The following MAN1B1 variants were observed in gnomAD, a reference collection of about 807,000 sequenced individuals.
MAN1B1 encodes mannosidase alpha class 1B member 1.
Under a neutral mutation model 75.5 loss-of-function variants are expected in MAN1B1, and 66 were observed. That is an observed-to-expected ratio of 0.87 (90% confidence interval 0.72 to 1.07). MAN1B1 has a LOEUF of 1.07. Ranked by LOEUF, MAN1B1 falls within the 50% of genes least tolerant of loss-of-function variation. The probability of loss-of-function intolerance (pLI) is 0.00; values close to 1 mark genes in which losing one functional copy is unlikely to be tolerated. For synonymous variants in MAN1B1, 453 were observed against 382.8 expected, an observed-to-expected ratio of 1.18 and a Z score of -2.14; for missense variants, 973 against 912.5, an observed-to-expected ratio of 1.07 and a Z score of -0.85.
rs746478083 is a variant in MAN1B1 at position 137,101,104 on chromosome 9, T to C, written c.1016T>C (p.Leu339Pro). 6.2e-7 allele frequency: 1 copy of C among 1,613,966 alleles called. No homozygotes were observed. Among genetic ancestry groups the C allele is most frequent in the Non-Finnish European group, 8.5e-7 (1 of 1,180,022 alleles). ...FESTIRILGGLLSAYHLSGDS... is the reference protein window; with the variant it reads ...FESTIRILGGPLSAYHLSGDS... ...AGCACGATCCGCATCCTGGGGGGGCTCCTGAGTGCCTACCACCTGTCTGGG... is the reference window on the plus strand; with the variant it reads ...AGCACGATCCGCATCCTGGGGGGGCCCCTGAGTGCCTACCACCTGTCTGGG... Residue 339 changes from leucine (L) to proline (P), a missense_variant, in exon 7 of 13, where the codon CTC (leucine) becomes CCC (proline). Leu to Pro is a moderately conservative substitution (Grantham distance 98). Transcript: ENST00000371589.
At chr9:137,103,637 C>T (rs4880205) in intron 8 of MAN1B1, 129,340 of 397,626 alleles carry the variant, frequency 0.33, 13,293 homozygotes, top group African/African-American at 0.39. Flanking sequence ...GCGTGCAGGT[C>T]GGTGTTACAC....
rs1260242995 is a variant in MAN1B1, at chr9:137,100,869, C to T, written c.917-136C>T. On this transcript the variant is annotated intron_variant, in intron 6 of 12. Transcript: ENST00000371589. ...TCCTGGGCTCAAGCAATCCACTTGCCTCAGCCTCCCAAAGTGCTGGGATTA... is the reference window on the plus strand; with the variant it reads ...TCCTGGGCTCAAGCAATCCACTTGCTTCAGCCTCCCAAAGTGCTGGGATTA... The T allele has an allele frequency of 3.1e-6, 3 of 961,118 alleles. No individual in the cohort carries two copies. The African/African-American group carries it at 4.8e-5, about 15-fold the overall frequency. The allele number at this position is 961,118 out of a possible 1,614,324, so 59.5% of individuals were successfully genotyped here.
chr9:137,094,468 A>G (rs146919192), intron 3 of MAN1B1: 5 of 409,284 alleles, frequency 1.2e-5, no homozygotes, highest in African/African-American at 8.2e-5. Context: ...CAGTGGAACT[A>G]GTGGCTCACA....
Position 137,107,616 on chromosome 9 carries a change from A to G in MAN1B1, c.1850A>G (p.Gln617Arg), listed in dbSNP as rs746554693. 4 of 1,611,196 alleles carry G rather than the reference A, an allele frequency of 2.5e-6. No homozygotes were observed. Among genetic ancestry groups the G allele is most frequent in the Non-Finnish European group, 2.5e-6 (3 of 1,179,958 alleles). The stretch of plus-strand genomic sequence containing the variant: ...CGCGTCACAGGGGACCGCAAATACC[A>G]GGACTGGGGCTGGGAGATTCTGCAG... ...LYRVTGDRKY[Q>R]DWGWEILQSF... is the part of the protein sequence containing the mutation. Residue 617 changes from glutamine (Q) to arginine (R), a missense_variant, in exon 12 of 13, where the codon CAG becomes CGG. By Grantham distance (43) the Gln-to-Arg change is conservative (BLOSUM62 1). Transcript: ENST00000371589.
chr9:137,087,942 C>CA (rs200935172), intron 1 of MAN1B1, 133 bp from the exon 2 acceptor site: 28,186 of 586,024 alleles, frequency 0.048, 26 homozygotes, highest in East Asian at 0.065. Context: ...ACCCTGTTTC[C>CA]AAAAAAAAAA....
At chr9:137,091,438 TG>T (rs1385946753) in intron 3 of MAN1B1, among the ~76,000 whole-genome samples, 1 of 152,080 alleles carries the variant, frequency 6.6e-6, no homozygotes, top group Non-Finnish European at 1.5e-5. Flanking sequence ...TGTCTAGACC[TG>T]GTTAGGGATG....
At chr9:137,094,427 AT>A (rs1830599438) in intron 3 of MAN1B1, 1 of 499,246 alleles carries the variant, frequency 2.0e-6, no homozygotes, top group Non-Finnish European at 4.0e-6. Context: ...CAGTGATTGC[AT>A]GACCTGGTGG....
chr9:137,101,705 TC>T, intron 8 of MAN1B1, 33 bp downstream of exon 8: 1 of 1,596,686 alleles, frequency 6.3e-7, no homozygotes, highest in East Asian at 2.3e-5. Flanking sequence ...TGGATGCGCC[TC>T]CCCTGGAGCT....
chr9:137,093,942 G>A (rs1158766893), intron 3 of MAN1B1, among the ~76,000 whole-genome samples: 2 of 151,914 alleles, frequency 1.3e-5, no homozygotes, highest in Non-Finnish European at 2.9e-5. Context: ...AATTCATATG[G>A]AAAGAAAATT....
chr9:137,104,033 G>A, intron 8 of MAN1B1: 4 of 457,168 alleles, frequency 8.7e-6, no homozygotes, highest in Non-Finnish European at 1.8e-5. Context: ...GTACAGGTCA[G>A]TGGTGTTACA....
rs750576897 is a variant in MAN1B1 at position 137,108,702 on chromosome 9, C to CT, written c.*112dup. 13 of 991,720 alleles carry CT rather than the reference C, an allele frequency of 1.3e-5. No individual in the cohort carries two copies. The Admixed American group carries it at 2.1e-4, about 16-fold the overall frequency. 61.4% of individuals were successfully genotyped at this position (991,720 alleles called of 1,614,324 possible). A position where few individuals can be genotyped will look rare whatever the true frequency, so the allele number is the denominator to read the frequency against. On this transcript the variant is annotated 3_prime_UTR_variant, in exon 13 of 13. Coordinates refer to ENST00000371589, the MANE Select transcript of MAN1B1 (RefSeq NM_016219.5). Reference sequence around the variant, plus strand: ...CGGCAACCGCCAAGTGGCCCAGGCTCTGAACTGGCTCTGGGCTCCTCCTCG... The same window carrying CT: ...CGGCAACCGCCAAGTGGCCCAGGCTCTTGAACTGGCTCTGGGCTCCTCCTCG...
chr9:137,099,105 C>T (rs1830736001), intron 5 of MAN1B1, among the ~76,000 whole-genome samples: 1 of 152,210 alleles, frequency 6.6e-6, no homozygotes, highest in Non-Finnish European at 1.5e-5. Flanking sequence ...ACTGGGATTA[C>T]AGGCGGGAGC....
chr9:137,101,594 C>T lies in MAN1B1; in HGVS notation c.1176C>T (p.Asp392=). The T allele has an allele frequency of 1.2e-6, 2 of 1,613,896 alleles. No homozygotes were observed. Among genetic ancestry groups the T allele is most frequent in the East Asian group, 4.5e-5 (2 of 44,888 alleles). The change falls in exon 8 of 13, where the codon GAC becomes GAT. Residue 392 remains aspartate (D), a synonymous_variant. Coordinates refer to ENST00000371589, the MANE Select transcript of MAN1B1 (RefSeq NM_016219.5). ...CCCACCCGCCACGGTGGACCTCCGA[C>T]AGCACTGTGGCCGAGGTGACCAGCA... is the stretch of plus-strand genomic sequence containing the variant. ...GVAHPPRWTS[D]STVAEVTSIQ... is the part of the protein sequence containing the mutation.
intron 3 of MAN1B1, chr9:137,094,486 T>C (rs1830600794): frequency 2.8e-6 from 1 of 358,486 alleles, no homozygotes; most frequent in African/African-American, 2.1e-5. Flanking sequence ...ACATCTGTCA[T>C]CCCAGCACTT....
rs906133615 is a variant in MAN1B1 at position 137,101,234 on chromosome 9, T to C, written c.1065+81T>C. 6 of 1,551,080 alleles carry C rather than the reference T, an allele frequency of 3.9e-6. No homozygotes were observed. The African/African-American group carries it at 5.4e-5, about 14-fold the overall frequency. ...CCCCTTTAGTGGACTTGTGGGGACG[T>C]GACTGTCTTCCTGTTTCCTCTTCAA... On this transcript the variant is annotated intron_variant, in intron 7 of 12. Coordinates refer to ENST00000371589, the MANE Select transcript of MAN1B1 (RefSeq NM_016219.5).
rs538018519 is a variant in MAN1B1 at position 137,104,594 on chromosome 9, GC to G, written c.1255-1530del. The G allele has an allele frequency of 1.8e-3, 304 of 171,510 alleles. 3 individuals are homozygous for G. The highest frequency in any genetic ancestry group is 6.5e-4 in the Non-Finnish European group (51 of 78,344). The allele number at this position is 171,510 out of a possible 1,614,324, so 10.6% of individuals were successfully genotyped here. ...TCTTTAAGCTTCATACGCGAAAGATGCTTCAGAGATTCCTTTTTCAGGCTGA... is the reference window on the plus strand; with the variant it reads ...TCTTTAAGCTTCATACGCGAAAGATGTTCAGAGATTCCTTTTTCAGGCTGA... On this transcript the variant is annotated intron_variant, in intron 8 of 12. Transcript: ENST00000371589.
At chr9:137,087,263 C>T (rs763402051) in intron 1 of MAN1B1, 45 bp downstream of exon 1, 2 of 1,541,796 alleles carry the variant, frequency 1.3e-6, no homozygotes, top group Non-Finnish European at 1.8e-6. Flanking sequence ...CTGCCGTGCC[C>T]GCCGCCCTCC....
intron 8 of MAN1B1, chr9:137,102,559 C>G (rs1830886468): frequency 2.4e-6 from 1 of 424,246 alleles, no homozygotes; most frequent in African/African-American, 2.2e-5. Context: ...TACACACATT[C>G]ACGCTGTTGC....
intron 2 of MAN1B1, 112 bp downstream of exon 2, chr9:137,088,295 T>C (rs1156764655): frequency 6.2e-7 from 1 of 1,610,524 alleles, no homozygotes; most frequent in Admixed American, 1.7e-5. Context: ...GGCAACGAAT[T>C]GGCAAGAAAT....
Sources: gnomAD v4.1 joint callset for allele counts (sites outside exome capture counted in the v4.1 genomes callset) on GRCh38, gnomAD v4.1.1 for gene constraint, MANE v1.5 for transcripts, NCBI Gene and HGNC (gene_info 2026-07-23, HGNC 2026-07-21) for gene names.